Variants in MYT1 observed in about 807,000 individuals in gnomAD.
The protein encoded by MYT1 is myelin transcription factor 1, also known as myelin transcription factor I.
MYT1 carries 23 observed loss-of-function variants against 123.0 expected under a neutral mutation model. That is an observed-to-expected ratio of 0.19 (90% CI 0.13 to 0.26). MYT1 has a LOEUF of 0.26. Among genes scored for constraint, MYT1 ranks in the 10% least tolerant of loss-of-function variants. The pLI is 1.00. For synonymous variants in MYT1, 518 were observed against 575.3 expected (o/e 0.90, Z 1.43); for missense variants, 1,125 against 1,472.5 (o/e 0.76, Z 3.86).
Position 64,219,901 on chromosome 20 carries a change from C to A in MYT1, c.2160C>A (p.Ser720Arg). Residue 720 changes from serine to arginine, a missense_variant, in exon 13 of 23, where the codon AGC becomes AGA. Physicochemically the swap from Ser to Arg is moderately radical, Grantham distance 110. Transcript: ENST00000328439. ...GCTCCATGACCTCTCCCCAGTCCAG[C>A]CAGGCCTCCCGCCAGGACGAGTGGG... ...PSSSMTSPQS[S>R]QASRQDEWDR... is the part of the protein sequence containing the mutation. The A allele has an allele frequency of 6.4e-7, 1 of 1,570,980 alleles. No individual in the cohort carries two copies. The highest frequency in any genetic ancestry group is 8.6e-7 in the Non-Finnish European group (1 of 1,158,436).
At position 64,219,844 on chromosome 20, in the gene MYT1, C is replaced by G. The variant is rs746955478; in HGVS notation, c.2103C>G (p.Ser701=). ...CCGGTGTGAAGTCTCCCGACGCCTC[C>G]CAGCGCCACAGCAGCACCAGCGCCC... ...SSPGVKSPDA[S]QRHSSTSAPS... Residue 701 remains serine, a synonymous_variant, in exon 13 of 23, where the codon TCC becomes TCG. Coordinates refer to ENST00000328439, the MANE Select transcript of MYT1 (RefSeq NM_004535.3). The G allele has an allele frequency of 7.5e-6, 12 of 1,610,074 alleles. No homozygotes were observed. Among genetic ancestry groups the G allele is most frequent in the Non-Finnish European group, 1.0e-5 (12 of 1,178,276 alleles).
rs1984721223 is a variant in MYT1, at chr20:64,241,663, A to G, written c.*1215A>G. On this transcript the variant is annotated 3_prime_UTR_variant, in exon 23 of 23. Coordinates refer to ENST00000328439, the MANE Select transcript of MYT1 (RefSeq NM_004535.3). This position sits in a 1 kb window ranked among gnomAD's most constrained non-coding sequence, Gnocchi z 4.2. ...TTTTATACTATTTCAACTAGACCCC[A>G]CACCAGGGCACCCTAAGAGGGGAAA... 6.6e-6 allele frequency: 1 copy of G among 152,592 alleles called. No individual in the cohort carries two copies. Among genetic ancestry groups the G allele is most frequent in the Non-Finnish European group, 1.5e-5 (1 of 68,050 alleles). The allele number at this position is 152,592 out of a possible 1,614,324, so 9.5% of individuals were successfully genotyped here.
intron 6 of MYT1, among the ~76,000 whole-genome samples, chr20:64,206,680 C>T (rs926988617): frequency 1.3e-5 from 2 of 152,192 alleles, no homozygotes; most frequent in Non-Finnish European, 2.9e-5. Context: ...TGCGCTGTCC[C>T]GTGGAATCAA....
intron 12 of MYT1, among the ~76,000 whole-genome samples, chr20:64,219,309 G>A (rs1315171054): frequency 6.6e-6 from 1 of 152,216 alleles, no homozygotes; most frequent in Non-Finnish European, 1.5e-5. Context: ...CCATGCGCCC[G>A]CGTGTCTCCC....
chr20:64,207,816 G>T lies in MYT1; in HGVS notation c.620G>T (p.Ser207Ile), dbSNP rs377211731. 6.9e-5 allele frequency: 111 copies of T among 1,613,712 alleles called. No individual in the cohort carries two copies. In the African/African-American group the frequency reaches 1.4e-3, roughly 20 times the overall value. ...CAGGAGGCTGCAGAGGGAGCTGCCA[G>T]CGAGGAGGGTGAAAAGGGCCTCTTC... is the stretch of plus-strand genomic sequence containing the variant. The part of the protein sequence containing the change: ...LLQEAAEGAA[S>I]EEGEKGLFIQ... Residue 207 changes from serine to isoleucine, a missense_variant, in exon 7 of 23, where the codon AGC (serine) becomes ATC (isoleucine). This residue lies in a region of MYT1 where 406 missense variants were observed against 432.2 expected (regional missense o/e 0.94). Coordinates refer to ENST00000328439, the MANE Select transcript of MYT1 (RefSeq NM_004535.3).
chr20:64,180,864 G>A (rs1463070156), intron 1 of MYT1, among the ~76,000 whole-genome samples: 1 of 152,220 alleles, frequency 6.6e-6, no homozygotes, highest in African/African-American at 2.4e-5. Flanking sequence ...TGTAGACAGT[G>A]ATCACCACCC....
intron 21 of MYT1, among the ~76,000 whole-genome samples, chr20:64,238,012 C>T (rs868767077): frequency 1.3e-5 from 2 of 151,888 alleles, no homozygotes; most frequent in Admixed American, 6.6e-5. Flanking sequence ...GAGTAAGTGC[C>T]GTCGATGAGA....
intron 8 of MYT1, 122 bp downstream of exon 8, chr20:64,211,462 C>A: frequency 9.6e-7 from 1 of 1,045,656 alleles, no homozygotes; most frequent in Non-Finnish European, 1.4e-6. Flanking sequence ...TTTGGTTTGT[C>A]CAGATGCTCA....
At position 64,191,901 on chromosome 20, in the gene MYT1, C is replaced by G. The variant is rs560798045; in HGVS notation, c.-1+1741C>G. On this transcript the variant is annotated intron_variant, in intron 2 of 22. Coordinates refer to ENST00000328439, the MANE Select transcript of MYT1 (RefSeq NM_004535.3). This position sits in a 1 kb window ranked among gnomAD's most constrained non-coding sequence, Gnocchi z 4.1. The stretch of plus-strand genomic sequence containing the variant: ...TTATCTTGATCATTGAGTTTTTGGC[C>G]TCATTCCCCTCACCCTACCCCAGAT... The G allele has an allele frequency of 2.0e-5, 3 of 152,178 alleles. No individual in the cohort carries two copies. In the East Asian group the frequency reaches 5.8e-4, roughly 29 times the overall value. 9.4% of individuals were successfully genotyped at this position (152,178 alleles called of 1,614,324 possible). A position where few individuals can be genotyped will look rare whatever the true frequency, so the allele number is the denominator to read the frequency against.
chr20:64,195,152 C>T (rs1177963963), intron 2 of MYT1, among the ~76,000 whole-genome samples: 2 of 152,072 alleles, frequency 1.3e-5, no homozygotes, highest in Admixed American at 1.3e-4. Flanking sequence ...CCATGCCCGG[C>T]CCTGTTTCTG....
intron 18 of MYT1, 176 bp downstream of exon 18, chr20:64,228,147 T>C (rs1209944800): frequency 3.2e-6 from 2 of 633,232 alleles, no homozygotes; most frequent in East Asian, 5.6e-5. Context: ...ACGCTACACG[T>C]TGATACCTGT....
At chr20:64,198,152 T>C (rs963823505) in intron 2 of MYT1, among the ~76,000 whole-genome samples, 2 of 151,234 alleles carry the variant, frequency 1.3e-5, no homozygotes, top group Admixed American at 6.6e-5. Flanking sequence ...CCGGGCGTGG[T>C]AGCGGGCGCC....
Position 64,165,393 on chromosome 20 carries a change from T to C in MYT1, c.-99+654T>C, listed in dbSNP as rs1400597465. Among the ~76,000 whole-genome samples, 3 of 152,206 alleles carry C rather than the reference T, an allele frequency of 2.0e-5. No homozygotes were observed. The East Asian group carries it at 5.8e-4, about 29-fold the overall frequency. ...TGCAGCTGTGGAGTGTGGTTGTTTA[T>C]GGTGGTAGTGTAACTGGATTTTTGT... On this transcript the variant is annotated intron_variant, in intron 1 of 22. Coordinates refer to ENST00000328439, the MANE Select transcript of MYT1 (RefSeq NM_004535.3).
At chr20:64,206,911 G>A (rs573493405) in intron 6 of MYT1, among the ~76,000 whole-genome samples, 64 of 152,208 alleles carry the variant, frequency 4.2e-4, no homozygotes, top group Admixed American at 3.3e-3. Flanking sequence ...TCTTAGTTTC[G>A]TTTTGTTTTT....
intron 12 of MYT1, 32 bp downstream of exon 12, chr20:64,219,067 G>T: frequency 6.3e-7 from 1 of 1,584,084 alleles, no homozygotes; most frequent in Non-Finnish European, 8.6e-7. Context: ...CCTTTCTTGG[G>T]AGAGGTGAGT....
intron 19 of MYT1, among the ~76,000 whole-genome samples, chr20:64,234,835 T>TGTGGTGGGTGACCCTGGGCTGGCC (rs1984453872): frequency 5.9e-5 from 5 of 84,056 alleles, no homozygotes; most frequent in African/African-American, 9.5e-5. Flanking sequence ...CCGAGCTGGC[T>TGTGGTGGGTGACCCTGGGCTGGCC]GTGGTGGGTG....
rs1983534540 is a variant in MYT1, at chr20:64,207,916, G to A, written c.720G>A (p.Leu240=). 1.6e-5 allele frequency: 25 copies of A among 1,612,412 alleles called. No homozygotes were observed. The highest frequency in any genetic ancestry group is 1.7e-5 in the Non-Finnish European group (20 of 1,179,476). ...CCCAGGACCTGTGTCCCCAGTCCCT[G>A]GAGGATGCAGCCAGTGAGGAGTCCA... ...ERSQDLCPQS[L]EDAASEESSK... Residue 240 remains leucine (L), a synonymous_variant, in exon 7 of 23, where the codon CTG becomes CTA. Coordinates refer to ENST00000328439, the MANE Select transcript of MYT1 (RefSeq NM_004535.3).
chr20:64,228,249 G>T lies in MYT1; in HGVS notation c.2675+278G>T, dbSNP rs561175555. The T allele has an allele frequency of 1.2e-4, 61 of 489,164 alleles. 1 individual carries two copies. In the South Asian group the frequency reaches 1.5e-3, roughly 12 times the overall value. The allele number at this position is 489,164 out of a possible 1,614,324, so 30.3% of individuals were successfully genotyped here. The stretch of plus-strand genomic sequence containing the variant: ...GGAGTATTTGACGGGGCTGGGAGAG[G>T]CAGAGCACCCTTCTACCTATGTCTT... On this transcript the variant is annotated intron_variant, in intron 18 of 22. Coordinates refer to ENST00000328439, the MANE Select transcript of MYT1 (RefSeq NM_004535.3).
rs745424413 is a variant in MYT1 at position 64,240,486 on chromosome 20, C to T, written c.*38C>T. On this transcript the variant is annotated 3_prime_UTR_variant, in exon 23 of 23. Transcript: ENST00000328439. Reference sequence around the variant, plus strand: ...CCAGAAGTGTCCCAGCCCACCACACCGTTTACCTCCCTCGCCCTGCCCCGC... The same window carrying T: ...CCAGAAGTGTCCCAGCCCACCACACTGTTTACCTCCCTCGCCCTGCCCCGC... 1.1e-5 allele frequency: 17 copies of T among 1,598,360 alleles called. No individual in the cohort carries two copies. The highest frequency in any genetic ancestry group is 1.4e-5 in the Non-Finnish European group (16 of 1,173,502).
Sources: gnomAD v4.1 joint callset for allele counts (sites outside exome capture counted in the v4.1 genomes callset) on GRCh38, gnomAD v4.1.1 for gene constraint, gnomAD v4.1.1 regional missense constraint, Gnocchi (gnomAD v3.1) non-coding constraint, MANE v1.5 for transcripts, NCBI Gene and HGNC (gene_info 2026-07-23, HGNC 2026-07-21) for gene names.